VSIG1: variants seen among roughly 807,000 people sequenced by gnomAD.
VSIG1 encodes the protein V-set and immunoglobulin domain containing 1.
In VSIG1, 11 loss-of-function variants were observed where a neutral mutation model predicts 20.1. The ratio of observed to expected loss-of-function variants is 0.55; its 90% confidence interval spans 0.34 to 0.91. VSIG1 has a LOEUF of 0.91. Ranked by LOEUF, VSIG1 falls within the 40% of genes least tolerant of loss-of-function variation. The probability of loss-of-function intolerance (pLI) is 0.02; values close to 1 mark genes in which losing one functional copy is unlikely to be tolerated. For missense variants in VSIG1, 283 were observed against 298.8 expected (o/e 0.95, Z 0.39); for synonymous variants, 126 against 116.7 (o/e 1.08, Z -0.52).
chrX:108,025,581 A>G, the VSIG1 span, among the ~76,000 whole-genome samples: 74 of 112,832 alleles, frequency 6.6e-4, no homozygotes, highest in African/African-American at 2.1e-3. Context: ...GTACACACAT[A>G]AGGATTTAGA....
At chrX:108,076,560 G>T (rs2031351675) in intron 6 of VSIG1, among the ~76,000 whole-genome samples, 1 of 112,024 alleles carries the variant, frequency 8.9e-6, no homozygotes, top group African/African-American at 3.2e-5. Flanking sequence ...GACCCACAAG[G>T]ACAGTGCCCA....
At chrX:108,030,852 G>A in the VSIG1 span, among the ~76,000 whole-genome samples, 1 of 111,892 alleles carries the variant, frequency 8.9e-6, no homozygotes, top group Non-Finnish European at 1.9e-5. Flanking sequence ...AAGCTGGTGA[G>A]TTGTCTAATG....
chrX:108,047,967 T>TATATATATACACAC (rs2030685072), intron 1 of VSIG1, among the ~76,000 whole-genome samples: 4 of 27,106 alleles, frequency 1.5e-4, no homozygotes, highest in Non-Finnish European at 2.8e-4. Flanking sequence ...CACACATATA[T>TATATATATACACAC]ATATATATAT....
At chrX:108,048,826 G>T (rs1363467078) in intron 1 of VSIG1, among the ~76,000 whole-genome samples, 1 of 112,224 alleles carries the variant, frequency 8.9e-6, no homozygotes, top group Non-Finnish European at 1.9e-5. Flanking sequence ...AATTCTATTT[G>T]GGCTACTGAA....
intron 1 of VSIG1, among the ~76,000 whole-genome samples, chrX:108,051,466 A>G (rs1405080719): frequency 8.9e-6 from 1 of 112,662 alleles, no homozygotes; most frequent in East Asian, 2.8e-4. Context: ...AACTGCTGTT[A>G]GAACAACAGA....
At chrX:108,056,262 G>C (rs1437840354) in intron 1 of VSIG1, among the ~76,000 whole-genome samples, 1 of 111,588 alleles carries the variant, frequency 9.0e-6, no homozygotes, top group Non-Finnish European at 1.9e-5. Context: ...CTACAGAGGA[G>C]AATTGCCTCA....
chrX:108,067,608 G>A (rs1340284565), intron 3 of VSIG1, among the ~76,000 whole-genome samples: 1 of 112,217 alleles, frequency 8.9e-6, no homozygotes, highest in African/African-American at 3.2e-5. Flanking sequence ...AAATGCTAAT[G>A]TTATTTGGAA....
At chrX:108,019,864 G>C in the VSIG1 span, among the ~76,000 whole-genome samples, 1 of 111,394 alleles carries the variant, frequency 9.0e-6, no homozygotes, top group African/African-American at 3.3e-5. Context: ...AGGATTGGGG[G>C]ACTCTACCAC....
chrX:108,065,066 G>A (rs956868271), intron 2 of VSIG1, among the ~76,000 whole-genome samples: 3 of 111,906 alleles, frequency 2.7e-5, no homozygotes, highest in Non-Finnish European at 5.6e-5. Flanking sequence ...AAGAAAACAC[G>A]TTGATGTTAG....
the VSIG1 span, among the ~76,000 whole-genome samples, chrX:108,036,215 T>C: frequency 1.5e-4 from 16 of 106,568 alleles, no homozygotes; most frequent in Non-Finnish European, 3.1e-4. Flanking sequence ...TTTTAAGAAG[T>C]GTTGGATAGG....
At chrX:108,027,782 A>G in the VSIG1 span, among the ~76,000 whole-genome samples, 2 of 111,307 alleles carry the variant, frequency 1.8e-5, no homozygotes, top group African/African-American at 6.5e-5. Context: ...TTTGGTGATG[A>G]GAAGGGTCTG....
Position 108,066,373 on chromosome X carries a change from T to C in VSIG1, c.214-563T>C, listed in dbSNP as rs2031125479. 2.7e-5 allele frequency among the ~76,000 whole-genome samples: 3 copies of C among 111,560 alleles called. No homozygotes were observed. The Admixed American group carries it at 2.8e-4, about 11-fold the overall frequency. ...TATAAAGGGATGGGACCAGATGATT[T>C]CTAAGATGCTTTTCCGCTTTGCTTC... On this transcript the variant is annotated intron_variant, in intron 2 of 6. Coordinates refer to ENST00000217957, the MANE Select transcript of VSIG1 (RefSeq NM_182607.5).
At chrX:108,054,572 G>A (rs768653251) in intron 1 of VSIG1, among the ~76,000 whole-genome samples, 19 of 110,996 alleles carry the variant, frequency 1.7e-4, no homozygotes, top group Admixed American at 6.7e-4. Flanking sequence ...GTGCTTGGCC[G>A]TAAAACAAAC....
intron 5 of VSIG1, 50 bp from the exon 6 acceptor site, chrX:108,076,027 T>C: frequency 5.0e-6 from 6 of 1,197,414 alleles, no homozygotes; most frequent in Non-Finnish European, 6.8e-6. Context: ...ACACACATTA[T>C]AAAATGACAA....
chrX:108,031,890 G>A, the VSIG1 span, among the ~76,000 whole-genome samples: 1 of 111,921 alleles, frequency 8.9e-6, no homozygotes, highest in African/African-American at 3.2e-5. Flanking sequence ...TATAACAGCA[G>A]GCAAGGCTCT....
intron 1 of VSIG1, among the ~76,000 whole-genome samples, chrX:108,055,842 G>A (rs1286968863): frequency 8.9e-6 from 1 of 112,030 alleles, no homozygotes. Context: ...CCACAAATGG[G>A]GTGGCTTAAA....
upstream of VSIG1, among the ~76,000 whole-genome samples, chrX:108,040,733 A>G (rs1415903299): frequency 8.9e-6 from 1 of 112,238 alleles, no homozygotes; most frequent in Non-Finnish European, 1.9e-5. Context: ...CTTAACATGG[A>G]CAAGGTTGAT....
At chrX:108,040,907 G>A (rs2030469810), upstream of VSIG1, among the ~76,000 whole-genome samples, 6 of 110,543 alleles carry the variant, frequency 5.4e-5, no homozygotes, top group South Asian at 2.4e-3. Flanking sequence ...CACAGAAAAA[G>A]GTCTGAGAAA....
the VSIG1 span, among the ~76,000 whole-genome samples, chrX:108,022,977 G>A: frequency 8.0e-5 from 9 of 111,885 alleles, no homozygotes; most frequent in African/African-American, 1.9e-4. Flanking sequence ...AGCTTCCTGA[G>A]GCTCTCACCA....
Sources: allele counts gnomAD v4.1 joint callset (sites outside exome capture counted in the v4.1 genomes callset), GRCh38; gene constraint gnomAD v4.1.1; transcripts MANE v1.5; gene names NCBI Gene and HGNC (gene_info 2026-07-23, HGNC 2026-07-21).